Variants in COPB2 observed in about 807,000 individuals in gnomAD.
COPB2 encodes the protein coatomer subunit beta'.
Under a neutral mutation model 120.8 loss-of-function variants are expected in COPB2, and 16 were observed. That is an observed-to-expected ratio of 0.13 (90% CI 0.09 to 0.20). The LOEUF (loss-of-function observed/expected upper bound fraction) is 0.20, where lower values mean the gene tolerates loss of function less well. Ranked by LOEUF, COPB2 falls within the 10% of genes least tolerant of loss-of-function variation. The probability of loss-of-function intolerance (pLI) is 1.00; values close to 1 mark genes in which losing one functional copy is unlikely to be tolerated. For synonymous variants in COPB2, 332 were observed against 366.3 expected (o/e 0.91, Z 1.07); for missense variants, 794 against 1,076.5 (o/e 0.74, Z 3.67).
chr3:139,369,560 GA>G lies in COPB2; in HGVS notation c.1206-17del. 2 of 1,511,294 alleles carry G rather than the reference GA, an allele frequency of 1.3e-6. No individual in the cohort carries two copies. Among genetic ancestry groups the G allele is most frequent in the Non-Finnish European group, 9.1e-7 (1 of 1,097,666 alleles). The allele number at this position is 1,511,294 out of a possible 1,614,324, so 93.6% of individuals were successfully genotyped here. ...TATTGCATACCTGGGAGAAAAAAGGGAAGGCAAACATAACATGTTATATACT... is the reference window on the plus strand; with the variant it reads ...TATTGCATACCTGGGAGAAAAAAGGGAGGCAAACATAACATGTTATATACT... On this transcript the variant is annotated splice_polypyrimidine_tract_variant and intron_variant, in intron 10 of 21. Coordinates refer to ENST00000333188, the MANE Select transcript of COPB2 (RefSeq NM_004766.3).
intron 1 of COPB2, 141 bp downstream of exon 1, chr3:139,389,407 A>AC (rs72584872): frequency 1.2e-6 from 1 of 820,780 alleles, no homozygotes; most frequent in African/African-American, 1.9e-5. Flanking sequence ...CTGGAATCAA[A>AC]CGACCAAGAC....
chr3:139,358,181 A>C lies in COPB2; in HGVS notation c.2625+19T>G. 4 of 1,609,622 alleles carry C rather than the reference A, an allele frequency of 2.5e-6. No individual in the cohort carries two copies. Among genetic ancestry groups the C allele is most frequent in the Non-Finnish European group, 2.6e-6 (3 of 1,175,914 alleles). On this transcript the variant is annotated intron_variant, in intron 21 of 21. Coordinates refer to ENST00000333188, the MANE Select transcript of COPB2 (RefSeq NM_004766.3). ...GGAAGATGGGGTAGAGGGAGGTTTG[A>C]GTATGATGTCTGACCTACCTTTTCT...
Position 139,367,019 on chromosome 3 carries a change from C to A in COPB2, c.1672G>T (p.Asp558Tyr). The change falls in exon 14 of 22, where the codon GAC becomes TAC. Residue 558 changes from aspartate (D) to tyrosine (Y), a missense_variant. By Grantham distance (160) the Asp-to-Tyr change is radical. Coordinates refer to ENST00000333188, the MANE Select transcript of COPB2 (RefSeq NM_004766.3). ...GGEIVTIAHL[D>Y]RTMYLLGYIP... ...TGCAAAATGATACTCAGGTACCTGTCCAAGTGGGCAATGGTGACTATTTCT... is the reference window on the plus strand; with the variant it reads ...TGCAAAATGATACTCAGGTACCTGTACAAGTGGGCAATGGTGACTATTTCT... The A allele has an allele frequency of 6.2e-7, 1 of 1,609,666 alleles. No individual in the cohort carries two copies. The highest frequency in any genetic ancestry group is 8.5e-7 in the Non-Finnish European group (1 of 1,178,784).
rs753394959 is a variant in COPB2 at position 139,358,153 on chromosome 3, G to T, written c.2625+47C>A. ...CTACGTATCCTCCAGATATTGATGG[G>T]GAGGAAGATGGGGTAGAGGGAGGTT... On this transcript the variant is annotated intron_variant, in intron 21 of 21. Coordinates refer to ENST00000333188, the MANE Select transcript of COPB2 (RefSeq NM_004766.3). The T allele has an allele frequency of 6.6e-6, 10 of 1,520,282 alleles. No individual in the cohort carries two copies. The South Asian group carries it at 7.9e-5, about 12-fold the overall frequency. 94.2% of individuals were successfully genotyped at this position (1,520,282 alleles called of 1,614,324 possible).
chr3:139,377,735 G>A (rs1941739916), intron 5 of COPB2, among the ~76,000 whole-genome samples: 1 of 152,200 alleles, frequency 6.6e-6, no homozygotes, highest in Non-Finnish European at 1.5e-5. Context: ...AAAAGGAGAG[G>A]ACAGTAGTAT....
chr3:139,369,027 C>A (rs939225080), intron 12 of COPB2, among the ~76,000 whole-genome samples: 4 of 152,222 alleles, frequency 2.6e-5, no homozygotes, highest in Non-Finnish European at 2.9e-5. Context: ...GGCACTGCCA[C>A]TTACCTCCAA....
chr3:139,381,355 CAAG>C (rs1474150398), intron 2 of COPB2: 8 of 152,138 alleles, frequency 5.3e-5, no homozygotes, highest in Non-Finnish European at 1.5e-5. Flanking sequence ...TTGGCTCTCT[CAAG>C]AATTTGCTCT....
intron 1 of COPB2, among the ~76,000 whole-genome samples, chr3:139,386,639 T>G (rs1272747880): frequency 6.6e-6 from 1 of 152,154 alleles, no homozygotes; most frequent in African/African-American, 2.4e-5. Context: ...AACTTCTTTT[T>G]AAATCTCTAT....
At chr3:139,389,344 C>CT in intron 1 of COPB2, 2 of 763,142 alleles carry the variant, frequency 2.6e-6, no homozygotes, top group Non-Finnish European at 1.8e-6. Context: ...CACTAGCAGG[C>CT]TTTGCCTCCC....
intron 1 of COPB2, among the ~76,000 whole-genome samples, chr3:139,384,512 C>T (rs1243072770): frequency 2.6e-5 from 4 of 152,226 alleles, no homozygotes; most frequent in African/African-American, 9.6e-5. Flanking sequence ...AAATGTCGAC[C>T]AAATATTCAA....
Position 139,359,078 on chromosome 3 carries a change from T to C in COPB2, c.2404A>G (p.Lys802Glu), listed in dbSNP as rs1941357606. 2 of 1,614,142 alleles carry C rather than the reference T, an allele frequency of 1.2e-6. No individual in the cohort carries two copies. Among genetic ancestry groups the C allele is most frequent in the Non-Finnish European group, 1.7e-6 (2 of 1,180,012 alleles). ...TEYENLFPGL[K>E]EAFVVEEWVK... Reference sequence around the variant, plus strand: ...CATTCTTCAACAACAAAGGCTTCTTTTAATCCAGGGAACAGGTTTTCATAC... The same window carrying C: ...CATTCTTCAACAACAAAGGCTTCTTCTAATCCAGGGAACAGGTTTTCATAC... Residue 802 changes from lysine (K) to glutamate (E), a missense_variant, in exon 19 of 22, where the codon AAA (lysine) becomes GAA (glutamate). By Grantham distance (56) the Lys-to-Glu change is moderately conservative. Around this residue, in one of 3 missense-constraint regions of COPB2, gnomAD observed 178 missense variants for 183.2 expected, o/e 0.97. Transcript: ENST00000333188.
At chr3:139,375,433 C>G (rs1560018547) in intron 6 of COPB2, 35 bp downstream of exon 6, 6 of 1,593,342 alleles carry the variant, frequency 3.8e-6, no homozygotes, top group Non-Finnish European at 5.1e-6. Flanking sequence ...AGAAACATAT[C>G]TAACATATGG....
At chr3:139,379,319 A>G in intron 3 of COPB2, 61 bp downstream of exon 3, 2 of 1,581,056 alleles carry the variant, frequency 1.3e-6, no homozygotes, top group Non-Finnish European at 1.7e-6. Context: ...TCCTGCAACA[A>G]ATTTACACAA....
rs141832843 is a variant in COPB2 at position 139,358,239 on chromosome 3, C to T, written c.2586G>A (p.Pro862=). ...ELDGKPASPT[P]VIVASHTANK... ...TGGCTGTGTGGGAGGCCACAATAAC[C>T]GGAGTAGGAGAAGCAGGTTTCCCAT... The change falls in exon 21 of 22, where the codon CCG becomes CCA. Residue 862 remains proline, a synonymous_variant. Coordinates refer to ENST00000333188, the MANE Select transcript of COPB2 (RefSeq NM_004766.3). 6.1e-4 allele frequency: 983 copies of T among 1,614,028 alleles called. 2 individuals are homozygous for T. In the African/African-American group the frequency reaches 7.1e-3, roughly 12 times the overall value.
intron 15 of COPB2, among the ~76,000 whole-genome samples, chr3:139,364,500 A>G (rs901246533): frequency 4.6e-5 from 7 of 152,222 alleles, no homozygotes; most frequent in African/African-American, 1.7e-4. Context: ...CTGAGACTCC[A>G]AGGTATCTTC....
In COPB2 at chr3:139,375,618, C is replaced by CA; in HGVS notation, c.505-5dup. On this transcript the variant is annotated splice_polypyrimidine_tract_variant and splice_region_variant and intron_variant, in intron 5 of 21. Coordinates refer to ENST00000333188, the MANE Select transcript of COPB2 (RefSeq NM_004766.3). ...ACGAAGAGCCCAACTGCCACACCTG[C>CA]AGAGAGAAACAGCATCGGCCAGTCA... The CA allele has an allele frequency of 1.2e-6, 2 of 1,613,362 alleles. No homozygotes were observed. Among genetic ancestry groups the CA allele is most frequent in the Admixed American group, 3.3e-5 (2 of 59,974 alleles).
intron 6 of COPB2, 32 bp downstream of exon 6, chr3:139,375,436 A>T: frequency 6.3e-7 from 1 of 1,597,866 alleles, no homozygotes; most frequent in Non-Finnish European, 8.6e-7. Context: ...AACATATCTA[A>T]CATATGGAAG....
At chr3:139,370,552 C>T (rs1036373806) in intron 10 of COPB2, among the ~76,000 whole-genome samples, 20 of 152,082 alleles carry the variant, frequency 1.3e-4, no homozygotes, top group African/African-American at 4.8e-4. Context: ...TAAATTATAC[C>T]TCAATAAGGG....
intron 11 of COPB2, 31 bp downstream of exon 11, chr3:139,369,425 T>A (rs757975710): frequency 3.1e-6 from 5 of 1,604,686 alleles, no homozygotes; most frequent in East Asian, 4.5e-5. Flanking sequence ...ACAAAGAATT[T>A]AAAAATGTAT....
Sources: gnomAD v4.1 joint callset for allele counts (sites outside exome capture counted in the v4.1 genomes callset) on GRCh38, gnomAD v4.1.1 for gene constraint, gnomAD v4.1.1 regional missense constraint, MANE v1.5 for transcripts, NCBI Gene and HGNC (gene_info 2026-07-23, HGNC 2026-07-21) for gene names.